PRUNE1: variants seen among roughly 807,000 people sequenced by gnomAD.
The protein encoded by PRUNE1 is exopolyphosphatase PRUNE1.
In PRUNE1, 25 loss-of-function variants were observed where a neutral mutation model predicts 42.5. The ratio of observed to expected loss-of-function variants is 0.59; its 90% CI spans 0.43 to 0.82. PRUNE1 has a LOEUF of 0.82. Among genes scored for constraint, PRUNE1 ranks in the 40% least tolerant of loss-of-function variants. The probability of loss-of-function intolerance (pLI) is 0.00; values close to 1 mark genes in which losing one functional copy is unlikely to be tolerated. For synonymous variants in PRUNE1, 203 were observed against 217.1 expected (o/e 0.93, Z 0.57); for missense variants, 443 against 539.3 (o/e 0.82, Z 1.77).
At chr1:151,024,385 C>T (rs587705630) in intron 3 of PRUNE1, among the ~76,000 whole-genome samples, 1 of 152,158 alleles carries the variant, frequency 6.6e-6, no homozygotes, top group African/African-American at 2.4e-5. Flanking sequence ...ATCCCAGCTA[C>T]TCAGGAGGCT....
At chr1:151,029,482 C>T (rs935540209) in intron 7 of PRUNE1, among the ~76,000 whole-genome samples, 4 of 150,400 alleles carry the variant, frequency 2.7e-5, no homozygotes, top group African/African-American at 9.8e-5. Flanking sequence ...ATTGTCCTGC[C>T]TCAGCCTCCC....
chr1:151,034,313 G>C lies in PRUNE1; in HGVS notation c.*79G>C. The stretch of plus-strand genomic sequence containing the variant: ...ATGTTTTGAGATGTTTGGAGATTCA[G>C]CAATTCTGTCTTCATTGCTCCAGGA... On this transcript the variant is annotated 3_prime_UTR_variant, in exon 8 of 8. Coordinates refer to ENST00000271620, the MANE Select transcript of PRUNE1 (RefSeq NM_021222.3). 1 of 1,430,148 alleles carries C rather than the reference G, an allele frequency of 7.0e-7. No homozygotes were observed. The highest frequency in any genetic ancestry group is 9.6e-7 in the Non-Finnish European group (1 of 1,045,254). The allele number at this position is 1,430,148 out of a possible 1,614,324, so 88.6% of individuals were successfully genotyped here. A position where few individuals can be genotyped will look rare whatever the true frequency, so the allele number is the denominator to read the frequency against.
chr1:151,021,146 C>CAAA (rs1162451001), intron 3 of PRUNE1, among the ~76,000 whole-genome samples: 1 of 80,606 alleles, frequency 1.2e-5, no homozygotes, highest in Non-Finnish European at 2.6e-5. Context: ...TGCTCTGTCT[C>CAAA]AAAAAAAAAA....
intron 3 of PRUNE1, among the ~76,000 whole-genome samples, chr1:151,023,973 G>A (rs896799917): frequency 2.0e-5 from 3 of 151,978 alleles, no homozygotes; most frequent in African/African-American, 7.3e-5. Context: ...ACGAGGTCAG[G>A]AGTTCGAGAC....
At chr1:151,010,410 T>A (rs1405793746) in intron 1 of PRUNE1, among the ~76,000 whole-genome samples, 1 of 152,178 alleles carries the variant, frequency 6.6e-6, no homozygotes, top group Non-Finnish European at 1.5e-5. Context: ...TACAGCAATA[T>A]GAAGCTGGAA....
intron 1 of PRUNE1, among the ~76,000 whole-genome samples, chr1:151,009,441 C>T (rs1673604217): frequency 6.6e-6 from 1 of 152,156 alleles, no homozygotes; most frequent in South Asian, 2.1e-4. Context: ...TGCTCTCTGA[C>T]TCAGTTGGAC....
At chr1:151,012,998 G>A (rs937602532) in intron 1 of PRUNE1, among the ~76,000 whole-genome samples, 7 of 152,018 alleles carry the variant, frequency 4.6e-5, no homozygotes, top group Admixed American at 4.6e-4. Flanking sequence ...CCTGACCTGA[G>A]GTGATTCGCC....
intron 1 of PRUNE1, among the ~76,000 whole-genome samples, chr1:151,010,808 A>G (rs1673731075): frequency 6.6e-6 from 1 of 151,354 alleles, no homozygotes; most frequent in Admixed American, 6.6e-5. Context: ...AGTGTGCGCC[A>G]CTATGCCTGG....
chr1:151,025,811 G>A lies in PRUNE1; in HGVS notation c.679+138G>A, dbSNP rs1286994820. The stretch of plus-strand genomic sequence containing the variant: ...GCTAGAGTGCAGTGGCACAATCTTG[G>A]CACACTGCAACCTCGACCTCCTGGG... On this transcript the variant is annotated intron_variant, in intron 5 of 7. Transcript: ENST00000271620. 8 of 820,286 alleles carry A rather than the reference G, an allele frequency of 9.8e-6. No individual in the cohort carries two copies. In the South Asian group the frequency reaches 1.6e-4, roughly 16 times the overall value. The allele number at this position is 820,286 out of a possible 1,614,324, so 50.8% of individuals were successfully genotyped here.
chr1:151,012,931 C>A (rs1277057438), intron 1 of PRUNE1, among the ~76,000 whole-genome samples: 1 of 151,168 alleles, frequency 6.6e-6, no homozygotes, highest in Non-Finnish European at 1.5e-5. Flanking sequence ...TGCCACCACA[C>A]CCGGCTAATT....
At chr1:151,024,847 G>A in intron 4 of PRUNE1, 52 bp downstream of exon 4, 3 of 1,532,478 alleles carry the variant, frequency 2.0e-6, no homozygotes, top group Non-Finnish European at 2.7e-6. Flanking sequence ...CTGTCCCTGA[G>A]AAGGGAGGGT....
chr1:151,033,461 G>A (rs1314117755), intron 7 of PRUNE1, among the ~76,000 whole-genome samples: 7 of 141,848 alleles, frequency 4.9e-5, no homozygotes, highest in African/African-American at 1.6e-4. Context: ...CGCGATCTCC[G>A]CTCACTGCAA....
chr1:151,024,565 C>T (rs765241660), intron 3 of PRUNE1, 46 bp from the exon 4 acceptor site: 1 of 1,533,296 alleles, frequency 6.5e-7, no homozygotes, highest in East Asian at 2.3e-5. Context: ...GCTGGAGTGT[C>T]CGTACCTATC....
intron 7 of PRUNE1, among the ~76,000 whole-genome samples, chr1:151,029,729 A>G (rs1198751794): frequency 6.6e-6 from 1 of 152,010 alleles, no homozygotes; most frequent in African/African-American, 2.4e-5. Flanking sequence ...GTTGGGGAAA[A>G]AAAAAAACAA....
At chr1:151,029,618 T>A (rs587684733) in intron 7 of PRUNE1, among the ~76,000 whole-genome samples, 2 of 151,534 alleles carry the variant, frequency 1.3e-5, no homozygotes, top group Non-Finnish European at 2.9e-5. Context: ...CCGCCCGCCT[T>A]GGCCTCCCAA....
chr1:151,017,990 C>CAT (rs35775297), intron 2 of PRUNE1, 86 bp downstream of exon 2: 423,013 of 874,616 alleles, frequency 0.48, 107,318 homozygotes, highest in Middle Eastern at 0.65. Context: ...CACTTACCAG[C>CAT]ATTTAGCATT....
At chr1:151,018,712 C>G (rs1187981153) in intron 3 of PRUNE1, 43 bp downstream of exon 3, 5 of 1,552,080 alleles carry the variant, frequency 3.2e-6, no homozygotes, top group Non-Finnish European at 3.5e-6. Context: ...ATGTACCATG[C>G]TGGGCTCTGA....
rs1199405872 is a variant in PRUNE1, at chr1:151,017,859, G to C, written c.87G>C (p.Leu29Phe). 2.5e-6 allele frequency: 4 copies of C among 1,607,244 alleles called. No individual in the cohort carries two copies. The highest frequency in any genetic ancestry group is 3.4e-6 in the Non-Finnish European group (4 of 1,173,920). Reference sequence around the variant, plus strand: ...TGCTGGGAAATGAAGCCTGTGATTTGGACTCCACAGTGTCTGCTCTTGCCC... The same window carrying C: ...TGCTGGGAAATGAAGCCTGTGATTTCGACTCCACAGTGTCTGCTCTTGCCC... ...HVVLGNEACD[L>F]DSTVSALALA... is the part of the protein sequence containing the mutation. The change falls in exon 2 of 8, where the codon TTG (leucine) becomes TTC (phenylalanine). Residue 29 changes from leucine to phenylalanine, a missense_variant. Leu to Phe is a conservative substitution (Grantham distance 22, BLOSUM62 0). Coordinates refer to ENST00000271620, the MANE Select transcript of PRUNE1 (RefSeq NM_021222.3).
In PRUNE1 at chr1:151,015,532, G is replaced by C. The variant is rs587750172; in HGVS notation, c.40-2280G>C. Among the ~76,000 whole-genome samples the C allele has an allele frequency of 3.0e-3, 456 of 151,432 alleles. 2 individuals carry two copies. The highest frequency in any genetic ancestry group is 7.9e-3 in the South Asian group (38 of 4,788). On this transcript the variant is annotated intron_variant, in intron 1 of 7. Transcript: ENST00000271620. ...GCCTGTAATCCCAGCTACTCAGGAG[G>C]CTGAGGCAAGAGAATCTCTTGAACC...
Sources: allele counts gnomAD v4.1 joint callset (sites outside exome capture counted in the v4.1 genomes callset), GRCh38; gene constraint gnomAD v4.1.1; transcripts MANE v1.5; gene names NCBI Gene and HGNC (gene_info 2026-07-23, HGNC 2026-07-21).